Variants in LRP5 observed in about 807,000 individuals in gnomAD.
LRP5 encodes LDL receptor related protein 5, also known as low-density lipoprotein receptor-related protein 5.
A neutral mutation model predicts 154.1 loss-of-function variants in LRP5; 62 were observed. The observed-to-expected ratio is 0.40, with a 90% CI of 0.33 to 0.50. LRP5 has a LOEUF of 0.50. LRP5 is among the 20% of genes least tolerant of loss of function. The pLI is 0.55. For synonymous variants in LRP5, 966 were observed against 1,011.5 expected (o/e 0.96, Z 0.85); for missense variants, 1,915 against 2,336.7 (o/e 0.82, Z 3.72).
intron 9 of LRP5, among the ~76,000 whole-genome samples, chr11:68,409,491 G>A (rs2098658207): frequency 6.6e-6 from 1 of 151,640 alleles, no homozygotes; most frequent in Admixed American, 6.6e-5. Context: ...CTGGTGATCT[G>A]GTCCAGAATG....
At chr11:68,389,185 GATA>G (rs143009731) in intron 6 of LRP5, among the ~76,000 whole-genome samples, 13 of 139,190 alleles carry the variant, frequency 9.3e-5, no homozygotes, top group South Asian at 4.7e-4. Context: ...TACCGACACT[GATA>G]TTTACCAACA....
the LRP5 span, among the ~76,000 whole-genome samples, chr11:68,302,516 T>C: frequency 6.6e-6 from 1 of 152,206 alleles, no homozygotes; most frequent in African/African-American, 2.4e-5. Context: ...TCCAGACTTT[T>C]GCAGTTTTAT....
At chr11:68,299,655 T>G in the LRP5 span, among the ~76,000 whole-genome samples, 1 of 147,372 alleles carries the variant, frequency 6.8e-6, no homozygotes, top group Non-Finnish European at 1.5e-5. Context: ...CAATCTCAGC[T>G]CACTGTAGCC....
At chr11:68,310,482 T>C (rs1427403647), upstream of LRP5, among the ~76,000 whole-genome samples, 1 of 151,908 alleles carries the variant, frequency 6.6e-6, no homozygotes, top group Admixed American at 6.6e-5. Context: ...AAGCTGGGCG[T>C]GGTGGCACAT....
At chr11:68,337,400 T>A (rs2098606300) in intron 1 of LRP5, among the ~76,000 whole-genome samples, 1 of 152,178 alleles carries the variant, frequency 6.6e-6, no homozygotes. Flanking sequence ...GTGTTAGGTG[T>A]CAGAGAAGTT....
At chr11:68,320,044 T>C (rs1045170701) in intron 1 of LRP5, among the ~76,000 whole-genome samples, 2 of 152,094 alleles carry the variant, frequency 1.3e-5, no homozygotes, top group African/African-American at 4.8e-5. Context: ...TCCTGTAGTC[T>C]CAGCTACTTG....
At chr11:68,396,010 G>A (rs898261039) in intron 7 of LRP5, among the ~76,000 whole-genome samples, 3 of 152,066 alleles carry the variant, frequency 2.0e-5, no homozygotes, top group Non-Finnish European at 2.9e-5. Flanking sequence ...GAGGGTCTTG[G>A]GCCTGCAGGC....
At chr11:68,419,709 A>C (rs1367411100) in intron 13 of LRP5, among the ~76,000 whole-genome samples, 3 of 150,850 alleles carry the variant, frequency 2.0e-5, no homozygotes, top group Non-Finnish European at 4.4e-5. Flanking sequence ...TGCCTGGCTA[A>C]TTTTTGTATT....
intron 6 of LRP5, among the ~76,000 whole-genome samples, chr11:68,388,685 G>C (rs1317477270): frequency 6.6e-6 from 1 of 152,176 alleles, no homozygotes; most frequent in Non-Finnish European, 1.5e-5. Flanking sequence ...TAGGTGCTCA[G>C]CTCCTCCAGC....
chr11:68,393,432 C>T (rs1448298735), intron 7 of LRP5, among the ~76,000 whole-genome samples: 2 of 152,340 alleles, frequency 1.3e-5, no homozygotes, highest in East Asian at 3.9e-4. Context: ...GCATCCCCAC[C>T]GGCAGTGTGT....
At chr11:68,392,987 G>T (rs1050526366) in intron 7 of LRP5, among the ~76,000 whole-genome samples, 5 of 152,026 alleles carry the variant, frequency 3.3e-5, no homozygotes, top group Admixed American at 1.3e-4. Flanking sequence ...TTAACTGAAC[G>T]TGGTGGTGGT....
chr11:68,360,418 C>T (rs534298806), intron 3 of LRP5, among the ~76,000 whole-genome samples: 1 of 78 alleles, frequency 0.013, no homozygotes, highest in East Asian at 0.5. Flanking sequence ...GTCTGTAGCT[C>T]CAGGTCTGGT....
At chr11:68,421,195 C>T (rs1239846450) in intron 13 of LRP5, among the ~76,000 whole-genome samples, 3 of 152,044 alleles carry the variant, frequency 2.0e-5, no homozygotes, top group Non-Finnish European at 2.9e-5. Context: ...TCACTGCACT[C>T]GAGCCTGGGC....
intron 5 of LRP5, among the ~76,000 whole-genome samples, chr11:68,377,033 C>T (rs1225526269): frequency 6.6e-6 from 1 of 152,158 alleles, no homozygotes; most frequent in Non-Finnish European, 1.5e-5. Flanking sequence ...GTAATCCCAG[C>T]ACTTTAGGAA....
the LRP5 span, among the ~76,000 whole-genome samples, chr11:68,299,048 C>T: frequency 3.3e-5 from 5 of 152,220 alleles, no homozygotes; most frequent in Admixed American, 6.5e-5. Context: ...GCCCCTACAG[C>T]CTCTCTACCT....
At chr11:68,432,934 C>A (rs576236911) in intron 17 of LRP5, among the ~76,000 whole-genome samples, 1 of 152,356 alleles carries the variant, frequency 6.6e-6, no homozygotes, top group South Asian at 2.1e-4. Context: ...TGGCCTCCAC[C>A]CTCCGATGAT....
At chr11:68,311,368 T>C (rs571909338), upstream of LRP5, among the ~76,000 whole-genome samples, 1 of 152,208 alleles carries the variant, frequency 6.6e-6, no homozygotes, top group Non-Finnish European at 1.5e-5. Flanking sequence ...GGCTGCCCTC[T>C]GCCCCAGCGC....
chr11:68,400,578 A>G (rs2098652086), intron 7 of LRP5, among the ~76,000 whole-genome samples: 2 of 151,480 alleles, frequency 1.3e-5, no homozygotes, highest in African/African-American at 4.8e-5. Context: ...TAAATAAATA[A>G]ATAAATACAA....
At chr11:68,365,844 G>A in intron 5 of LRP5, 142 bp downstream of exon 5, 1 of 850,642 alleles carries the variant, frequency 1.2e-6, no homozygotes, top group Middle Eastern at 3.6e-4. Context: ...ATTCAAGTCT[G>A]TGGTCCCAGC....
Sources: allele counts gnomAD v4.1 joint callset (sites outside exome capture counted in the v4.1 genomes callset), GRCh38; gene constraint gnomAD v4.1.1; transcripts MANE v1.5; gene names NCBI Gene and HGNC (gene_info 2026-07-23, HGNC 2026-07-21).